DOK6: variants seen among roughly 807,000 people sequenced by gnomAD.
DOK6 encodes the protein downstream of tyrosine kinase 6.
DOK6 carries 22 observed loss-of-function variants against 44.0 expected under a neutral mutation model. That is an observed-to-expected ratio of 0.50 (90% confidence interval 0.36 to 0.71). DOK6 has a LOEUF of 0.71. DOK6 is among the 30% of genes least tolerant of loss of function. The pLI is 0.00. For missense variants in DOK6, 340 were observed against 416.4 expected, an observed-to-expected ratio of 0.82 and a Z score of 1.60; for synonymous variants, 166 against 145.5, an observed-to-expected ratio of 1.14 and a Z score of -1.01.
intron 7 of DOK6, among the ~76,000 whole-genome samples, chr18:69,775,701 GAAACAA>G (rs1980042265): frequency 6.6e-6 from 1 of 151,568 alleles, no homozygotes; most frequent in African/African-American, 2.4e-5. Flanking sequence ...AGAATCAAAA[GAAACAA>G]AAATGATTAC....
At chr18:69,475,456 A>G (rs971074598) in intron 1 of DOK6, among the ~76,000 whole-genome samples, 2 of 152,224 alleles carry the variant, frequency 1.3e-5, no homozygotes, top group African/African-American at 4.8e-5. Flanking sequence ...CAAAGAAAAA[A>G]TAGGAAAACA....
At chr18:69,761,607 T>C (rs1361737011) in intron 7 of DOK6, among the ~76,000 whole-genome samples, 2 of 152,166 alleles carry the variant, frequency 1.3e-5, no homozygotes, top group Non-Finnish European at 2.9e-5. Flanking sequence ...GGCTCCTTGC[T>C]ACCCGTCAGG....
intron 7 of DOK6, among the ~76,000 whole-genome samples, chr18:69,810,088 C>G (rs925782505): frequency 2.6e-5 from 4 of 151,888 alleles, no homozygotes; most frequent in Non-Finnish European, 5.9e-5. Context: ...AAATATACTA[C>G]AAAGCTAAGT....
At chr18:69,493,514 A>C (rs1204251275) in intron 1 of DOK6, among the ~76,000 whole-genome samples, 1 of 152,240 alleles carries the variant, frequency 6.6e-6, no homozygotes, top group African/African-American at 2.4e-5. Context: ...CTGATTTTTT[A>C]GCCACTCTAG....
intron 6 of DOK6, among the ~76,000 whole-genome samples, chr18:69,740,180 T>C (rs1022130531): frequency 2.0e-5 from 3 of 152,148 alleles, no homozygotes; most frequent in Non-Finnish European, 4.4e-5. Context: ...ATTTGTAGGA[T>C]GATTAGGATG....
chr18:69,466,793 G>A (rs888343730), intron 1 of DOK6, among the ~76,000 whole-genome samples: 2 of 151,712 alleles, frequency 1.3e-5, no homozygotes, highest in Non-Finnish European at 1.5e-5. Flanking sequence ...GAGGGAAAGA[G>A]GGAGGGAGGG....
chr18:69,836,753 G>A (rs1238188702), intron 7 of DOK6, among the ~76,000 whole-genome samples: 1 of 152,166 alleles, frequency 6.6e-6, no homozygotes, highest in Non-Finnish European at 1.5e-5. Context: ...ATAGTGTGAT[G>A]AGCAAGGCTG....
At chr18:69,820,393 T>A (rs914264476) in intron 7 of DOK6, among the ~76,000 whole-genome samples, 2 of 152,162 alleles carry the variant, frequency 1.3e-5, no homozygotes, top group Non-Finnish European at 2.9e-5. Flanking sequence ...TCCCAAATAA[T>A]TTTTCCTAGT....
At position 69,710,105 on chromosome 18, in the gene DOK6, G is replaced by A. The variant is rs111781529; in HGVS notation, c.599+11512G>A. Among the ~76,000 whole-genome samples, 738 of 152,270 alleles carry A rather than the reference G, an allele frequency of 4.8e-3. 4 individuals are homozygous for A. Among genetic ancestry groups the A allele is most frequent in the African/African-American group, 0.016 (677 of 41,550 alleles). On this transcript the variant is annotated intron_variant, in intron 5 of 7. Transcript: ENST00000382713. Reference sequence around the variant, plus strand: ...GAGGTGAGAGAATCACCTGAACCCGGGAGTTTGAAACTGCACTGAGCCATG... The same window carrying A: ...GAGGTGAGAGAATCACCTGAACCCGAGAGTTTGAAACTGCACTGAGCCATG...
intron 5 of DOK6, among the ~76,000 whole-genome samples, chr18:69,717,265 T>A (rs1986905245): frequency 6.6e-6 from 1 of 152,210 alleles, no homozygotes; most frequent in South Asian, 2.1e-4. Context: ...CAAAAGTTTT[T>A]GTAATATAAA....
chr18:69,713,912 G>C (rs1161470005), intron 5 of DOK6, among the ~76,000 whole-genome samples: 1 of 152,154 alleles, frequency 6.6e-6, no homozygotes, highest in Non-Finnish European at 1.5e-5. Flanking sequence ...AAGCTCATCA[G>C]TACTCCCAGC....
chr18:69,794,841 C>A (rs1019559972), intron 7 of DOK6, among the ~76,000 whole-genome samples: 1 of 152,058 alleles, frequency 6.6e-6, no homozygotes, highest in Non-Finnish European at 1.5e-5. Flanking sequence ...TTGTGAACTG[C>A]GCATGCGAGG....
At chr18:69,443,197 T>G (rs1979184729) in intron 1 of DOK6, among the ~76,000 whole-genome samples, 1 of 152,206 alleles carries the variant, frequency 6.6e-6, no homozygotes, top group Non-Finnish European at 1.5e-5. Context: ...GGTTGTTAAT[T>G]TGAAAATAGC....
chr18:69,524,110 T>C (rs1161707705), intron 1 of DOK6, among the ~76,000 whole-genome samples: 1 of 152,020 alleles, frequency 6.6e-6, no homozygotes, highest in African/African-American at 2.4e-5. Flanking sequence ...TTCAATGACT[T>C]TTGTATTCTG....
chr18:69,522,798 T>G (rs942787004), intron 1 of DOK6, among the ~76,000 whole-genome samples: 5 of 152,118 alleles, frequency 3.3e-5, no homozygotes, highest in African/African-American at 1.2e-4. Context: ...TCCACATTAT[T>G]GAACTCTCTT....
intron 5 of DOK6, among the ~76,000 whole-genome samples, chr18:69,732,906 G>A (rs78020596): frequency 0.012 from 1,860 of 152,270 alleles, 41 homozygotes; most frequent in African/African-American, 0.042. Context: ...CCGAGACCGG[G>A]TAATTTATGA....
At chr18:69,420,201 A>G (rs927340708) in intron 1 of DOK6, among the ~76,000 whole-genome samples, 1 of 152,104 alleles carries the variant, frequency 6.6e-6, no homozygotes, top group African/African-American at 2.4e-5. Context: ...CTAAATTAAA[A>G]AAAAATTAGT....
At chr18:69,841,223 C>T (rs2145140851) in intron 7 of DOK6, 21 bp from the exon 8 acceptor site, 1 of 1,613,950 alleles carries the variant, frequency 6.2e-7, no homozygotes, top group South Asian at 1.1e-5. Flanking sequence ...CTCAGTAGAG[C>T]TCTCCTTTCT....
chr18:69,454,839 C>T lies in DOK6; in HGVS notation c.66+53529C>T, dbSNP rs537894924. Among the ~76,000 whole-genome samples the T allele has an allele frequency of 5.6e-5, 8 of 143,740 alleles. No homozygotes were observed. In the South Asian group the frequency reaches 1.8e-3, roughly 32 times the overall value. The allele number at this position is 143,740 out of a possible 152,430, so 94.3% of individuals were successfully genotyped here. A position where few individuals can be genotyped will look rare whatever the true frequency, so the allele number is the denominator to read the frequency against. ...AAACCAAACACCGCATATTCTCACT[C>T]ATAGGTGGGAATTGAACAATGAGAT... On this transcript the variant is annotated intron_variant, in intron 1 of 7. Transcript: ENST00000382713.
Sources: allele counts gnomAD v4.1 joint callset (sites outside exome capture counted in the v4.1 genomes callset), GRCh38; gene constraint gnomAD v4.1.1; transcripts MANE v1.5; gene names NCBI Gene and HGNC (gene_info 2026-07-23, HGNC 2026-07-21).